TNFAIP8L3: variants seen among roughly 807,000 people sequenced by gnomAD.
The protein encoded by TNFAIP8L3 is tumor necrosis factor alpha-induced protein 8-like protein 3.
A neutral mutation model predicts 11.8 loss-of-function variants in TNFAIP8L3; 7 were observed. That is an observed-to-expected ratio of 0.59 (90% confidence interval 0.34 to 1.11). The LOEUF is 1.11. Among genes scored for constraint, TNFAIP8L3 ranks in the 50% most tolerant of loss-of-function variants. The pLI, the probability that TNFAIP8L3 is intolerant of heterozygous loss-of-function variation, is 0.03. For synonymous variants in TNFAIP8L3, 98 were observed against 103.8 expected, an observed-to-expected ratio of 0.94 and a Z score of 0.34; for missense variants, 219 against 258.6, an observed-to-expected ratio of 0.85 and a Z score of 1.05.
At chr15:51,101,838 C>T (rs1246408045) in intron 1 of TNFAIP8L3, among the ~76,000 whole-genome samples, 13 of 146,158 alleles carry the variant, frequency 8.9e-5, no homozygotes, top group South Asian at 2.2e-4. Context: ...CCCAGCTACT[C>T]GGGAGGCTGA....
intron 1 of TNFAIP8L3, among the ~76,000 whole-genome samples, chr15:51,100,736 G>A (rs1193338889): frequency 6.6e-6 from 1 of 151,912 alleles, no homozygotes; most frequent in Non-Finnish European, 1.5e-5. Context: ...CATTCTGTAT[G>A]AGAAAGTTTG....
intron 1 of TNFAIP8L3, among the ~76,000 whole-genome samples, chr15:51,091,384 T>C (rs2065468372): frequency 6.6e-6 from 1 of 152,140 alleles, no homozygotes; most frequent in Non-Finnish European, 1.5e-5. Flanking sequence ...ACTAGAAAGG[T>C]GACCATGATG....
At chr15:51,085,712 A>G (rs1274150514) in intron 1 of TNFAIP8L3, among the ~76,000 whole-genome samples, 2 of 151,944 alleles carry the variant, frequency 1.3e-5, no homozygotes, top group South Asian at 2.1e-4. Flanking sequence ...ACTGCCTGAC[A>G]GTGGAACAAA....
upstream of TNFAIP8L3, among the ~76,000 whole-genome samples, chr15:51,099,385 G>A (rs1293984001): frequency 6.6e-6 from 1 of 152,072 alleles, no homozygotes; most frequent in East Asian, 1.9e-4. Flanking sequence ...CTTTCTTGGT[G>A]GTTAATGCAA....
Position 51,094,685 on chromosome 15 carries a change from C to T in TNFAIP8L3, c.-90G>A, listed in dbSNP as rs556042612. 1.3e-4 allele frequency: 154 copies of T among 1,159,810 alleles called. 1 individual carries two copies. The East Asian group carries it at 5.7e-3, about 43-fold the overall frequency. 71.8% of individuals were successfully genotyped at this position (1,159,810 alleles called of 1,614,324 possible). On this transcript the variant is annotated 5_prime_UTR_variant, in exon 1 of 2. Coordinates refer to ENST00000637513, the MANE Select transcript of TNFAIP8L3 (RefSeq NM_001311175.2). This position sits in a 1 kb window ranked among gnomAD's most constrained non-coding sequence, Gnocchi z 4.4. ...GGCGCACTCAGGGCGGACAGCGGGG[C>T]GGCTGGAGCCCGGGCGGCGCGGGCG...
Position 51,094,217 on chromosome 15 carries a change from G to A in TNFAIP8L3, c.52+327C>T, listed in dbSNP as rs2065493408. Among the ~76,000 whole-genome samples, 1 of 152,354 alleles carries A rather than the reference G, an allele frequency of 6.6e-6. No individual in the cohort carries two copies. Among genetic ancestry groups the A allele is most frequent in the African/African-American group, 2.4e-5 (1 of 41,588 alleles). On this transcript the variant is annotated intron_variant, in intron 1 of 1. Transcript: ENST00000637513. This position sits in a 1 kb window ranked among gnomAD's most constrained non-coding sequence, Gnocchi z 4.4. ...GCTCGGAAAGTTATTTCAAAAGGCA[G>A]ATGTGTTGCAACCCTCTCTGCAGCA...
chr15:51,105,260 A>G, exon 1 of TNFAIP8L3: 1 of 1,419,626 alleles, frequency 7.0e-7, no homozygotes, highest in Non-Finnish European at 9.6e-7. Context: ...CCATTACTTG[A>G]GGTAAGACTA....
At chr15:51,067,356 T>C (rs2065278217) in intron 1 of TNFAIP8L3, among the ~76,000 whole-genome samples, 1 of 152,136 alleles carries the variant, frequency 6.6e-6, no homozygotes, top group South Asian at 2.1e-4. Flanking sequence ...TGGGAAGTCC[T>C]GAGGTCTCCC....
intron 1 of TNFAIP8L3, among the ~76,000 whole-genome samples, chr15:51,073,485 T>A (rs2065327019): frequency 6.6e-6 from 1 of 152,230 alleles, no homozygotes; most frequent in Non-Finnish European, 1.5e-5. Context: ...TTTTTTCTAT[T>A]ACAGTTTCTA....
At chr15:51,078,634 C>T (rs1356554379) in intron 1 of TNFAIP8L3, among the ~76,000 whole-genome samples, 1 of 151,986 alleles carries the variant, frequency 6.6e-6, no homozygotes, top group Non-Finnish European at 1.5e-5. Flanking sequence ...CTCTCCCATC[C>T]ATAACTGCTT....
At chr15:51,095,750 C>A (rs2140984054), upstream of TNFAIP8L3, among the ~76,000 whole-genome samples, 1 of 152,196 alleles carries the variant, frequency 6.6e-6, no homozygotes, top group East Asian at 1.9e-4. Flanking sequence ...GTTGTTAATT[C>A]TTGGTTATCT....
chr15:51,073,934 T>G (rs920338830), intron 1 of TNFAIP8L3, among the ~76,000 whole-genome samples: 4 of 152,246 alleles, frequency 2.6e-5, no homozygotes, highest in Non-Finnish European at 4.4e-5. Context: ...ATCATATAAT[T>G]TATCTTATAA....
At chr15:51,061,414 G>A (rs946330865) in intron 1 of TNFAIP8L3, among the ~76,000 whole-genome samples, 4 of 152,202 alleles carry the variant, frequency 2.6e-5, no homozygotes, top group Non-Finnish European at 5.9e-5. Flanking sequence ...TCTAGATAAT[G>A]TAAATAGTGA....
intron 1 of TNFAIP8L3, among the ~76,000 whole-genome samples, chr15:51,085,348 TA>T (rs1004050810): frequency 4.6e-5 from 7 of 151,620 alleles, no homozygotes; most frequent in South Asian, 2.1e-4. Flanking sequence ...TCTCAAGTAT[TA>T]AAAAAAAATG....
intron 1 of TNFAIP8L3, among the ~76,000 whole-genome samples, chr15:51,101,153 A>G (rs879325560): frequency 1.5e-4 from 23 of 152,236 alleles, no homozygotes; most frequent in Middle Eastern, 3.4e-3. Context: ...TCCAGCTTTC[A>G]TGAGGTGACC....
intron 1 of TNFAIP8L3, among the ~76,000 whole-genome samples, chr15:51,101,327 A>G (rs971405331): frequency 2.0e-5 from 3 of 152,188 alleles, no homozygotes; most frequent in African/African-American, 7.2e-5. Context: ...TCCTTTGAAA[A>G]TATGTAAAAT....
intron 1 of TNFAIP8L3, among the ~76,000 whole-genome samples, chr15:51,065,555 G>T (rs1296723549): frequency 6.6e-6 from 1 of 152,136 alleles, no homozygotes; most frequent in Non-Finnish European, 1.5e-5. Context: ...AATAAATTTT[G>T]GGAAAAATAA....
intron 1 of TNFAIP8L3, among the ~76,000 whole-genome samples, chr15:51,100,540 G>A (rs901438950): frequency 1.3e-5 from 2 of 152,170 alleles, no homozygotes; most frequent in East Asian, 3.8e-4. Flanking sequence ...GTCCATAAGA[G>A]CAACATGAGT....
In TNFAIP8L3 at chr15:51,104,551, GCT is replaced by G. The variant is rs2065575993; in HGVS notation, c.172+452_172+453del. 2.6e-5 allele frequency among the ~76,000 whole-genome samples: 4 copies of G among 152,098 alleles called. No individual in the cohort carries two copies. In the South Asian group the frequency reaches 8.3e-4, roughly 32 times the overall value. On this transcript the variant is annotated intron_variant, in intron 1 of 2. Transcript: ENST00000327536. ...CCTGCTCCTGCGTGTCTTTCCCCTG[GCT>G]CTCTGTCTGCTGCAGCCTCGTCCCT...
Sources: allele counts gnomAD v4.1 joint callset (sites outside exome capture counted in the v4.1 genomes callset), GRCh38; gene constraint gnomAD v4.1.1; non-coding constraint Gnocchi (gnomAD v3.1); transcripts MANE v1.5; gene names NCBI Gene and HGNC (gene_info 2026-07-23, HGNC 2026-07-21).